PRRG1: variants seen among roughly 807,000 people sequenced by gnomAD.
PRRG1 encodes the protein proline rich and Gla domain 1.
In PRRG1, 5 loss-of-function variants were observed where a neutral mutation model predicts 11.8. That is an observed-to-expected ratio of 0.42 (90% confidence interval 0.22 to 0.89). PRRG1 has a LOEUF of 0.89. PRRG1 is among the 40% of genes least tolerant of loss of function. The probability of loss-of-function intolerance (pLI) is 0.28; values close to 1 mark genes in which losing one functional copy is unlikely to be tolerated. For missense variants in PRRG1, 155 were observed against 166.1 expected (o/e 0.93, Z 0.37); for synonymous variants, 66 against 60.4 (o/e 1.09, Z -0.43).
intron 3 of PRRG1, among the ~76,000 whole-genome samples, chrX:37,444,198 C>T (rs1556394563): frequency 9.0e-6 from 1 of 111,616 alleles, no homozygotes; most frequent in Non-Finnish European, 1.9e-5. Flanking sequence ...CTTTATCTGC[C>T]TGATTTGAGG....
intron 1 of PRRG1, among the ~76,000 whole-genome samples, chrX:37,402,982 G>A (rs189921943): frequency 0.023 from 2,544 of 110,415 alleles, 74 homozygotes; most frequent in African/African-American, 0.074. Flanking sequence ...AGGAAACAAC[G>A]GGTGCTGGAG....
chrX:37,425,676 G>A (rs372244327), intron 2 of PRRG1, 164 bp from the exon 3 acceptor site: 192 of 416,718 alleles, frequency 4.6e-4, no homozygotes, highest in African/African-American at 4.3e-3. Flanking sequence ...CTCACATCAT[G>A]AGGAAGATAG....
intron 1 of PRRG1, among the ~76,000 whole-genome samples, chrX:37,372,045 C>A (rs1191302656): frequency 1.8e-5 from 2 of 112,953 alleles, no homozygotes; most frequent in Non-Finnish European, 1.9e-5. Flanking sequence ...TTTTGAGGAA[C>A]CTCCATTCTG....
At chrX:37,421,337 T>C (rs1556387003) in intron 2 of PRRG1, among the ~76,000 whole-genome samples, 1 of 112,228 alleles carries the variant, frequency 8.9e-6, no homozygotes, top group Non-Finnish European at 1.9e-5. Flanking sequence ...GAAAACTGCA[T>C]GTTTTAAATA....
At chrX:37,376,972 G>C (rs1472414534) in intron 1 of PRRG1, among the ~76,000 whole-genome samples, 1 of 110,668 alleles carries the variant, frequency 9.0e-6, no homozygotes, top group Non-Finnish European at 1.9e-5. Flanking sequence ...CTGTCACAAA[G>C]TTAGGTATTC....
At chrX:37,420,269 T>G (rs983575525) in intron 2 of PRRG1, among the ~76,000 whole-genome samples, 13 of 111,255 alleles carry the variant, frequency 1.2e-4, no homozygotes, top group African/African-American at 4.3e-4. Flanking sequence ...GCTTGGGATA[T>G]CCATAAGATT....
chrX:37,381,214 G>A (rs782641252), intron 1 of PRRG1, among the ~76,000 whole-genome samples: 1 of 111,669 alleles, frequency 9.0e-6, no homozygotes, highest in East Asian at 2.8e-4. Context: ...CACTAGGTAT[G>A]CTTTCGATTG....
Position 37,453,722 on chromosome X carries a change from G to T in PRRG1, c.*101G>T. ...AAATGTTCATTGACTTATTTTATTG[G>T]ACTCTTACCGCATACCACTTCACAC... is the stretch of plus-strand genomic sequence containing the variant. On this transcript the variant is annotated 3_prime_UTR_variant, in exon 4 of 4. Coordinates refer to ENST00000378628, the MANE Select transcript of PRRG1 (RefSeq NM_001142395.2). The T allele has an allele frequency of 3.6e-6, 3 of 841,620 alleles. No individual in the cohort carries two copies. The highest frequency in any genetic ancestry group is 3.9e-5 in the South Asian group (1 of 25,661). The allele number at this position is 841,620 out of a possible 1,213,427, so 69.4% of individuals were successfully genotyped here. A position where few individuals can be genotyped will look rare whatever the true frequency, so the allele number is the denominator to read the frequency against.
intron 1 of PRRG1, among the ~76,000 whole-genome samples, chrX:37,360,741 C>T (rs1198094916): frequency 8.9e-6 from 1 of 112,366 alleles, no homozygotes; most frequent in Admixed American, 9.4e-5. Context: ...TAACACTATA[C>T]CCCTTCATGG....
intron 3 of PRRG1, among the ~76,000 whole-genome samples, chrX:37,449,200 T>C (rs1921026748): frequency 9.0e-6 from 1 of 111,581 alleles, no homozygotes; most frequent in Admixed American, 9.6e-5. Flanking sequence ...TCTCCTAAGG[T>C]CCTTCCTCCC....
At chrX:37,425,715 A>T in intron 2 of PRRG1, 125 bp from the exon 3 acceptor site, 1 of 552,704 alleles carries the variant, frequency 1.8e-6, no homozygotes, top group Non-Finnish European at 2.8e-6. Flanking sequence ...GCTAAGTGTT[A>T]CTTCATTGCT....
chrX:37,353,885 A>G (rs782095409), intron 1 of PRRG1, among the ~76,000 whole-genome samples: 49 of 112,870 alleles, frequency 4.3e-4, no homozygotes, highest in Non-Finnish European at 6.6e-4. Context: ...TAAGTGATGC[A>G]TGACTGTTAA....
chrX:37,396,516 A>G (rs1314610147), intron 1 of PRRG1, among the ~76,000 whole-genome samples: 1 of 111,123 alleles, frequency 9.0e-6, no homozygotes, highest in Non-Finnish European at 1.9e-5. Flanking sequence ...TTCCCTGCAC[A>G]AGCTTTCTTT....
At chrX:37,363,276 G>A in intron 1 of PRRG1, among the ~76,000 whole-genome samples, 1 of 111,652 alleles carries the variant, frequency 9.0e-6, no homozygotes, top group Non-Finnish European at 1.9e-5. Flanking sequence ...GTTGCATGAA[G>A]CATAGTTTTG....
intron 1 of PRRG1, among the ~76,000 whole-genome samples, chrX:37,398,623 T>C (rs1931815184): frequency 8.9e-6 from 1 of 112,487 alleles, no homozygotes; most frequent in African/African-American, 3.2e-5. Flanking sequence ...GGAACAAAGC[T>C]GGACAGAGAA....
Position 37,363,035 on chromosome X carries a change from A to G in PRRG1, c.-42+13640A>G, listed in dbSNP as rs145514446. ...CATATGGATTATCTTCCTTAGTAAT[A>G]ATACGAATGACAACAATAATAATAA... On this transcript the variant is annotated intron_variant, in intron 1 of 3. Coordinates refer to ENST00000378628, the MANE Select transcript of PRRG1 (RefSeq NM_001142395.2). Among the ~76,000 whole-genome samples, 332 of 111,956 alleles carry G rather than the reference A, an allele frequency of 3.0e-3. 1 individual carries two copies. The highest frequency in any genetic ancestry group is 5.0e-3 in the Non-Finnish European group (267 of 53,168).
chrX:37,416,933 AGAT>A (rs1932515709), intron 2 of PRRG1, among the ~76,000 whole-genome samples: 1 of 111,996 alleles, frequency 8.9e-6, no homozygotes, highest in Admixed American at 9.5e-5. Flanking sequence ...TAAAATCATT[AGAT>A]GAGAGACATC....
At chrX:37,350,074 G>A (rs1275843071) in intron 1 of PRRG1, among the ~76,000 whole-genome samples, 1 of 106,036 alleles carries the variant, frequency 9.4e-6, no homozygotes, top group Non-Finnish European at 1.9e-5. Flanking sequence ...GAGGCGGCGT[G>A]GGGGGAAGTG....
chrX:37,382,702 C>A (rs1931190544), intron 1 of PRRG1, among the ~76,000 whole-genome samples: 1 of 89,615 alleles, frequency 1.1e-5, no homozygotes, highest in African/African-American at 7.6e-5. Flanking sequence ...ATTAAAATAT[C>A]TTTTTAATTC....
Sources: gnomAD v4.1 joint callset for allele counts (sites outside exome capture counted in the v4.1 genomes callset) on GRCh38, gnomAD v4.1.1 for gene constraint, MANE v1.5 for transcripts, NCBI Gene and HGNC (gene_info 2026-07-23, HGNC 2026-07-21) for gene names.